Variants in TTC7B observed in about 807,000 individuals in gnomAD.
TTC7B encodes the protein tetratricopeptide repeat protein 7B.
In TTC7B, 28 loss-of-function variants were observed where a neutral mutation model predicts 106.8. The ratio of observed to expected loss-of-function variants is 0.26; its 90% CI spans 0.19 to 0.36. The LOEUF is 0.36. Ranked by LOEUF, TTC7B falls within the 10% of genes least tolerant of loss-of-function variation. The probability of loss-of-function intolerance (pLI) is 1.00; values close to 1 mark genes in which losing one functional copy is unlikely to be tolerated. For synonymous variants in TTC7B, 405 were observed against 430.6 expected (o/e 0.94, Z 0.74); for missense variants, 862 against 1,076.4 (o/e 0.80, Z 2.79).
At chr14:90,592,599 CT>C (rs1892006566) in intron 18 of TTC7B, among the ~76,000 whole-genome samples, 1 of 151,688 alleles carries the variant, frequency 6.6e-6, no homozygotes, top group Non-Finnish European at 1.5e-5. Flanking sequence ...ATTCCAGCTA[CT>C]TGGGAGGCTG....
chr14:90,714,771 A>T lies in TTC7B; in HGVS notation c.698+15304T>A, dbSNP rs114824925. Reference sequence around the variant, plus strand: ...CATGCCCCGCCTATATACATTTATTAAAAACAACCAAATTGTATAATTATT... The same window carrying T: ...CATGCCCCGCCTATATACATTTATTTAAAACAACCAAATTGTATAATTATT... On this transcript the variant is annotated intron_variant, in intron 5 of 19. Transcript: ENST00000328459. 8.8e-3 allele frequency among the ~76,000 whole-genome samples: 1,346 copies of T among 152,096 alleles called. 21 individuals are homozygous for T. Among genetic ancestry groups the T allele is most frequent in the African/African-American group, 0.031 (1,289 of 41,536 alleles).
At chr14:90,675,328 T>C (rs1439235033) in intron 9 of TTC7B, 2 of 152,268 alleles carry the variant, frequency 1.3e-5, no homozygotes, top group Admixed American at 6.5e-5. Flanking sequence ...CTGGGTGGCA[T>C]GGTCCCCAGT....
At chr14:90,737,635 C>T (rs1258238356) in intron 4 of TTC7B, among the ~76,000 whole-genome samples, 2 of 147,778 alleles carry the variant, frequency 1.4e-5, no homozygotes, top group Non-Finnish European at 3.0e-5. Context: ...CTCACTGCAA[C>T]CTCCACCTGC....
chr14:90,789,753 G>A (rs930974263), intron 1 of TTC7B, among the ~76,000 whole-genome samples: 25 of 151,890 alleles, frequency 1.6e-4, no homozygotes, highest in Non-Finnish European at 3.7e-4. Flanking sequence ...AAAATTAGCC[G>A]GGCGTGGTGG....
intron 3 of TTC7B, among the ~76,000 whole-genome samples, chr14:90,764,751 C>T (rs1890617370): frequency 6.6e-6 from 1 of 151,994 alleles, no homozygotes; most frequent in Non-Finnish European, 1.5e-5. Context: ...AAATAAAAAC[C>T]ACAATGAGAT....
intron 17 of TTC7B, among the ~76,000 whole-genome samples, chr14:90,606,821 C>T (rs760780482): frequency 7.2e-5 from 11 of 152,200 alleles, no homozygotes; most frequent in Non-Finnish European, 1.5e-4. Context: ...CATGTTATTC[C>T]ACAGCTCTGC....
intron 3 of TTC7B, among the ~76,000 whole-genome samples, chr14:90,770,896 C>G (rs544838261): frequency 6.6e-6 from 1 of 152,278 alleles, no homozygotes; most frequent in East Asian, 1.9e-4. Context: ...CATGTTACAA[C>G]ATGGATGAAC....
intron 5 of TTC7B, among the ~76,000 whole-genome samples, chr14:90,720,143 A>G (rs774372832): frequency 4.9e-4 from 75 of 151,974 alleles, no homozygotes; most frequent in African/African-American, 1.1e-3. Context: ...GCCCCTGACT[A>G]AACAATAAGA....
intron 15 of TTC7B, among the ~76,000 whole-genome samples, chr14:90,639,973 C>A (rs2139875310): frequency 6.6e-6 from 1 of 152,306 alleles, no homozygotes. Flanking sequence ...AGGCAAAACA[C>A]AATTTTTATT....
intron 19 of TTC7B, among the ~76,000 whole-genome samples, chr14:90,560,150 C>T (rs1022526492): frequency 3.3e-5 from 5 of 152,254 alleles, no homozygotes; most frequent in Admixed American, 2.0e-4. Flanking sequence ...TTTCCCCCAT[C>T]ACAGTTCAAA....
Position 90,541,076 on chromosome 14 carries a change from A to G in TTC7B, c.*292T>C, listed in dbSNP as rs1249616143. 4 of 380,268 alleles carry G rather than the reference A, an allele frequency of 1.1e-5. No individual in the cohort carries two copies. The highest frequency in any genetic ancestry group is 1.9e-5 in the Non-Finnish European group (4 of 213,424). 23.6% of individuals were successfully genotyped at this position (380,268 alleles called of 1,614,324 possible). ...TCTTCTACATTTGCTGATTAATTCC[A>G]TAATCATTTTACTGAAAACTCAGAT... On this transcript the variant is annotated 3_prime_UTR_variant, in exon 20 of 20. Transcript: ENST00000328459.
At chr14:90,636,325 T>C (rs1323149773) in intron 15 of TTC7B, among the ~76,000 whole-genome samples, 1 of 146,684 alleles carries the variant, frequency 6.8e-6, no homozygotes, top group African/African-American at 2.5e-5. Context: ...AACATAATCA[T>C]AAAAGGTTGA....
At chr14:90,599,868 G>A (rs1892359595) in intron 17 of TTC7B, among the ~76,000 whole-genome samples, 1 of 152,144 alleles carries the variant, frequency 6.6e-6, no homozygotes. Flanking sequence ...TGAATATTAA[G>A]CAGCAATCTG....
At chr14:90,736,167 T>TAC (rs1555394642) in intron 4 of TTC7B, among the ~76,000 whole-genome samples, 5 of 152,194 alleles carry the variant, frequency 3.3e-5, no homozygotes, top group African/African-American at 1.2e-4. Context: ...TATATATATA[T>TAC]ACCACAATGA....
At chr14:90,659,685 C>T (rs764990335) in intron 9 of TTC7B, among the ~76,000 whole-genome samples, 16 of 152,006 alleles carry the variant, frequency 1.1e-4, no homozygotes, top group Non-Finnish European at 2.1e-4. Context: ...TGACGAGCTC[C>T]GCACGTGTGG....
chr14:90,660,417 A>AAAGAAAAG (rs1595256100), intron 9 of TTC7B, among the ~76,000 whole-genome samples: 2 of 119,496 alleles, frequency 1.7e-5, no homozygotes, highest in African/African-American at 3.7e-5. Flanking sequence ...AAAAAAAAAA[A>AAAGAAAAG]AAAAGAAAAG....
chr14:90,543,241 C>G (rs554099279), intron 19 of TTC7B, among the ~76,000 whole-genome samples: 1 of 152,214 alleles, frequency 6.6e-6, no homozygotes, highest in East Asian at 1.9e-4. Context: ...CACTTCAAAA[C>G]TTAGAAAGTT....
intron 16 of TTC7B, among the ~76,000 whole-genome samples, chr14:90,615,531 A>G (rs1893034350): frequency 6.6e-6 from 1 of 152,164 alleles, no homozygotes; most frequent in Non-Finnish European, 1.5e-5. Flanking sequence ...GCGCTTGTTC[A>G]TGTAGTTCCA....
chr14:90,567,929 G>A (rs1417490254), intron 19 of TTC7B, among the ~76,000 whole-genome samples: 1 of 152,160 alleles, frequency 6.6e-6, no homozygotes, highest in Non-Finnish European at 1.5e-5. Flanking sequence ...CTAGACCTTT[G>A]GGCTCAGTGA....
Sources: allele counts gnomAD v4.1 joint callset (sites outside exome capture counted in the v4.1 genomes callset), GRCh38; gene constraint gnomAD v4.1.1; transcripts MANE v1.5; gene names NCBI Gene and HGNC (gene_info 2026-07-23, HGNC 2026-07-21).